Variants in LRRC4C observed in about 807,000 individuals in gnomAD.
LRRC4C encodes leucine rich repeat containing 4C.
Under a neutral mutation model 33.6 loss-of-function variants are expected in LRRC4C, and 5 were observed. The ratio of observed to expected loss-of-function variants is 0.15; its 90% CI spans 0.08 to 0.31. LRRC4C has a LOEUF of 0.31. Ranked by LOEUF, LRRC4C falls within the 10% of genes least tolerant of loss-of-function variation. LRRC4C has a pLI of 1.00. For synonymous variants in LRRC4C, 329 were observed against 302.0 expected, an observed-to-expected ratio of 1.09 and a Z score of -0.93; for missense variants, 560 against 796.7, an observed-to-expected ratio of 0.70 and a Z score of 3.58.
At chr11:40,800,874 C>A (rs549065500) in intron 2 of LRRC4C, among the ~76,000 whole-genome samples, 1 of 152,062 alleles carries the variant, frequency 6.6e-6, no homozygotes, top group African/African-American at 2.4e-5. Flanking sequence ...TCAGTTATTC[C>A]AACCTATATG....
chr11:40,154,311 C>CAAAAAAAAA (rs1858495192), intron 5 of LRRC4C, among the ~76,000 whole-genome samples: 120 of 137,646 alleles, frequency 8.7e-4, no homozygotes, highest in South Asian at 3.4e-3. Context: ...AAACAAAAAG[C>CAAAAAAAAA]AAAGTACACA....
intron 2 of LRRC4C, among the ~76,000 whole-genome samples, chr11:40,770,784 A>G (rs906941867): frequency 6.6e-6 from 1 of 152,210 alleles, no homozygotes; most frequent in Non-Finnish European, 1.5e-5. Context: ...CGAGGTGGTC[A>G]TTCAATCTTA....
At chr11:41,383,320 A>AC (rs1435443474) in intron 1 of LRRC4C, among the ~76,000 whole-genome samples, 2 of 152,078 alleles carry the variant, frequency 1.3e-5, no homozygotes, top group Non-Finnish European at 2.9e-5. Context: ...GGAACCCTGG[A>AC]CCTATAGACA....
At chr11:40,766,861 G>A (rs916597713) in intron 2 of LRRC4C, among the ~76,000 whole-genome samples, 1 of 151,494 alleles carries the variant, frequency 6.6e-6, no homozygotes, top group Non-Finnish European at 1.5e-5. Flanking sequence ...GGGAAGGGAG[G>A]GAAGGGGAGG....
intron 2 of LRRC4C, among the ~76,000 whole-genome samples, chr11:40,650,589 T>A (rs147639396): frequency 6.6e-6 from 1 of 152,248 alleles, no homozygotes; most frequent in African/African-American, 2.4e-5. Flanking sequence ...TCAATTAGAT[T>A]GTCAAACCCA....
chr11:40,304,165 C>T (rs1944914856), intron 4 of LRRC4C, among the ~76,000 whole-genome samples: 1 of 152,122 alleles, frequency 6.6e-6, no homozygotes, highest in Admixed American at 6.6e-5. Context: ...AGTCATTTTC[C>T]ACTTGTAATT....
intron 1 of LRRC4C, among the ~76,000 whole-genome samples, chr11:40,989,478 T>A (rs1329819078): frequency 6.6e-6 from 1 of 152,118 alleles, no homozygotes; most frequent in African/African-American, 2.4e-5. Context: ...AGCCAGGAAC[T>A]CCCATTTTAC....
chr11:40,219,367 A>C (rs1318643795), intron 5 of LRRC4C, among the ~76,000 whole-genome samples: 1 of 152,150 alleles, frequency 6.6e-6, no homozygotes, highest in African/African-American at 2.4e-5. Context: ...GTTTTCTTTA[A>C]TATATCCTTC....
At chr11:40,268,357 A>G (rs957645715) in intron 4 of LRRC4C, among the ~76,000 whole-genome samples, 11 of 152,204 alleles carry the variant, frequency 7.2e-5, no homozygotes, top group Non-Finnish European at 1.5e-4. Flanking sequence ...CAGAACTTCA[A>G]GAAGACTTGA....
chr11:40,361,247 G>C (rs1282581692), intron 3 of LRRC4C, among the ~76,000 whole-genome samples: 4 of 152,144 alleles, frequency 2.6e-5, no homozygotes, highest in African/African-American at 9.7e-5. Flanking sequence ...TCTGGCCAGG[G>C]CAATCAGGCA....
intron 1 of LRRC4C, among the ~76,000 whole-genome samples, chr11:41,103,738 C>A (rs1941336116): frequency 6.6e-6 from 1 of 151,858 alleles, no homozygotes. Flanking sequence ...AAATGTATTA[C>A]AAAGCTATAG....
At chr11:40,638,029 A>ACCT (rs1941865195) in intron 3 of LRRC4C, among the ~76,000 whole-genome samples, 3 of 152,024 alleles carry the variant, frequency 2.0e-5, no homozygotes, top group African/African-American at 7.3e-5. Flanking sequence ...TCAGCTTCTC[A>ACCT]CCTTCCTAGC....
chr11:41,259,761 T>C (rs1948916904), intron 1 of LRRC4C, among the ~76,000 whole-genome samples: 1 of 152,072 alleles, frequency 6.6e-6, no homozygotes, highest in African/African-American at 2.4e-5. Context: ...AACTATTTAC[T>C]TATCCATCTT....
chr11:40,597,826 A>C (rs1959518492), intron 3 of LRRC4C, among the ~76,000 whole-genome samples: 2 of 152,158 alleles, frequency 1.3e-5, no homozygotes, highest in African/African-American at 4.8e-5. Context: ...AGTAACGAAA[A>C]GGGATTTGCA....
chr11:40,915,576 C>G (rs976855998), intron 2 of LRRC4C, among the ~76,000 whole-genome samples: 8 of 152,122 alleles, frequency 5.3e-5, no homozygotes, highest in Non-Finnish European at 8.8e-5. Flanking sequence ...AATGTTAGAC[C>G]TAAAACCATA....
chr11:41,377,735 C>T (rs924455739), intron 1 of LRRC4C, among the ~76,000 whole-genome samples: 4 of 152,100 alleles, frequency 2.6e-5, no homozygotes, highest in African/African-American at 7.2e-5. Flanking sequence ...ATGTTTTACT[C>T]GTTATGGGTA....
intron 2 of LRRC4C, among the ~76,000 whole-genome samples, chr11:40,680,782 A>G (rs1016524587): frequency 6.6e-6 from 1 of 152,204 alleles, no homozygotes; most frequent in African/African-American, 2.4e-5. Context: ...AAATGGATTT[A>G]TACACAGGTG....
At chr11:40,739,551 A>G (rs1948059238) in intron 2 of LRRC4C, among the ~76,000 whole-genome samples, 1 of 152,006 alleles carries the variant, frequency 6.6e-6, no homozygotes, top group Non-Finnish European at 1.5e-5. Flanking sequence ...ATATGGTTAG[A>G]CTTTGTGTCC....
At position 40,662,509 on chromosome 11, in the gene LRRC4C, T is replaced by C. The variant is rs141822188; in HGVS notation, c.-406-14231A>G. On this transcript the variant is annotated intron_variant, in intron 2 of 6. Transcript: ENST00000528697. Reference sequence around the variant, plus strand: ...CTGGGTCTGAATGAACACTGGGGCATGGTCTAGAATACAGTAGGGGACTAT... The same window carrying C: ...CTGGGTCTGAATGAACACTGGGGCACGGTCTAGAATACAGTAGGGGACTAT... 4.4e-3 allele frequency among the ~76,000 whole-genome samples: 672 copies of C among 152,284 alleles called. 5 individuals carry two copies. The highest frequency in any genetic ancestry group is 0.016 in the African/African-American group (646 of 41,558).
Sources: allele counts gnomAD v4.1 joint callset (sites outside exome capture counted in the v4.1 genomes callset), GRCh38; gene constraint gnomAD v4.1.1; transcripts MANE v1.5; gene names NCBI Gene and HGNC (gene_info 2026-07-23, HGNC 2026-07-21).